Variants in SLC44A5 observed in about 807,000 individuals in gnomAD.
SLC44A5 encodes the protein choline transporter-like protein 5.
Under a neutral mutation model 101.8 loss-of-function variants are expected in SLC44A5, and 57 were observed. The observed-to-expected ratio is 0.56, with a 90% confidence interval of 0.45 to 0.70. The LOEUF is 0.70. Ranked by LOEUF, SLC44A5 falls within the 30% of genes least tolerant of loss-of-function variation. The probability of loss-of-function intolerance (pLI) is 0.00; values close to 1 mark genes in which losing one functional copy is unlikely to be tolerated. For synonymous variants in SLC44A5, 281 were observed against 290.9 expected (o/e 0.97, Z 0.35); for missense variants, 737 against 853.1 (o/e 0.86, Z 1.70).
intron 4 of SLC44A5, among the ~76,000 whole-genome samples, chr1:75,310,990 T>C (rs928515366): frequency 3.3e-5 from 5 of 152,024 alleles, no homozygotes; most frequent in African/African-American, 1.2e-4. Flanking sequence ...TGTCATTACA[T>C]TGAGTATTAA....
At chr1:75,263,666 A>G (rs1166833960) in intron 6 of SLC44A5, among the ~76,000 whole-genome samples, 1 of 152,172 alleles carries the variant, frequency 6.6e-6, no homozygotes, top group Non-Finnish European at 1.5e-5. Flanking sequence ...TTCTACTATA[A>G]AGACACATAC....
chr1:75,247,191 T>A (rs1269083302), intron 7 of SLC44A5, among the ~76,000 whole-genome samples: 1 of 151,782 alleles, frequency 6.6e-6, no homozygotes, highest in Non-Finnish European at 1.5e-5. Flanking sequence ...GAAGAGGTGG[T>A]GAGAAATAGT....
At chr1:75,696,975 C>T in the SLC44A5 span, among the ~76,000 whole-genome samples, 4 of 151,590 alleles carry the variant, frequency 2.6e-5, no homozygotes, top group South Asian at 2.1e-4. Flanking sequence ...AAATGAGAGA[C>T]GAAAAGGAAG....
the SLC44A5 span, among the ~76,000 whole-genome samples, chr1:75,638,916 G>A: frequency 6.6e-6 from 1 of 151,970 alleles, no homozygotes; most frequent in Non-Finnish European, 1.5e-5. Context: ...AATGAACCTG[G>A]AGGACACTGT....
At chr1:75,238,483 A>G (rs761664888) in intron 10 of SLC44A5, 30 bp downstream of exon 10, 3 of 1,544,634 alleles carry the variant, frequency 1.9e-6, no homozygotes, top group Non-Finnish European at 2.6e-6. Context: ...AAATGCATCA[A>G]ACTGAAAATT....
chr1:75,702,601 G>A, the SLC44A5 span, among the ~76,000 whole-genome samples: 29 of 152,204 alleles, frequency 1.9e-4, no homozygotes, highest in South Asian at 2.5e-3. Context: ...AGGCATGGGC[G>A]AGGACTTCAT....
the SLC44A5 span, among the ~76,000 whole-genome samples, chr1:75,680,099 C>G: frequency 6.6e-6 from 1 of 152,140 alleles, no homozygotes. Context: ...CAGGAGCACC[C>G]AGATTCATAA....
At chr1:75,271,497 T>TTTTTTTTTTTTGTGTGTG (rs1553152601) in intron 6 of SLC44A5, among the ~76,000 whole-genome samples, 9 of 146,304 alleles carry the variant, frequency 6.2e-5, no homozygotes, top group African/African-American at 2.3e-4. Context: ...TCTGCATGTT[T>TTTTTTTTTTTTGTGTGTG]TGTGTGTGTG....
chr1:75,488,450 TA>T (rs1396859703), intron 2 of SLC44A5, among the ~76,000 whole-genome samples: 2 of 152,162 alleles, frequency 1.3e-5, no homozygotes, highest in African/African-American at 4.8e-5. Context: ...AGTATAATAT[TA>T]GGGGATCACC....
the SLC44A5 span, among the ~76,000 whole-genome samples, chr1:75,634,845 A>T: frequency 6.6e-6 from 1 of 152,350 alleles, no homozygotes; most frequent in East Asian, 1.9e-4. Context: ...GCACAGCAAA[A>T]GAAACTACCA....
intron 3 of SLC44A5, among the ~76,000 whole-genome samples, chr1:75,386,818 G>C (rs956755646): frequency 1.1e-4 from 17 of 151,902 alleles, no homozygotes; most frequent in Admixed American, 4.6e-4. Flanking sequence ...TATACTACAA[G>C]GCTACAGTAA....
the SLC44A5 span, among the ~76,000 whole-genome samples, chr1:75,666,724 C>T: frequency 6.6e-6 from 1 of 152,116 alleles, no homozygotes; most frequent in Non-Finnish European, 1.5e-5. Flanking sequence ...AGCAGCCCAT[C>T]AAAAATCTTG....
At chr1:75,346,442 T>C (rs977668540) in intron 3 of SLC44A5, among the ~76,000 whole-genome samples, 17 of 152,054 alleles carry the variant, frequency 1.1e-4, no homozygotes, top group Non-Finnish European at 2.4e-4. Context: ...AGAAAAAATA[T>C]ATAAAGCACT....
chr1:75,363,307 T>C (rs898755716), intron 3 of SLC44A5, among the ~76,000 whole-genome samples: 4 of 152,104 alleles, frequency 2.6e-5, no homozygotes, highest in African/African-American at 9.6e-5. Flanking sequence ...CAAGGAATTA[T>C]TAATAGGTAA....
At chr1:75,712,030 G>C in the SLC44A5 span, among the ~76,000 whole-genome samples, 1 of 152,164 alleles carries the variant, frequency 6.6e-6, no homozygotes, top group Non-Finnish European at 1.5e-5. Flanking sequence ...TTTGAAGGTG[G>C]CATTTACTAA....
At chr1:75,461,560 T>C (rs1219836541) in intron 2 of SLC44A5, among the ~76,000 whole-genome samples, 1 of 152,158 alleles carries the variant, frequency 6.6e-6, no homozygotes, top group Non-Finnish European at 1.5e-5. Flanking sequence ...ACTAAATAGC[T>C]CTTTCCTAGC....
the SLC44A5 span, among the ~76,000 whole-genome samples, chr1:75,691,047 C>T: frequency 2.8e-3 from 420 of 152,088 alleles, 2 homozygotes; most frequent in African/African-American, 9.6e-3. Flanking sequence ...AGGTGTGACT[C>T]TCTTGAATAC....
intron 2 of SLC44A5, among the ~76,000 whole-genome samples, chr1:75,448,046 T>C (rs1015162639): frequency 2.0e-5 from 3 of 152,194 alleles, no homozygotes; most frequent in Admixed American, 6.6e-5. Flanking sequence ...GACCAAAAGC[T>C]GAAAAAGATT....
chr1:75,654,495 AG>A, the SLC44A5 span, among the ~76,000 whole-genome samples: 146 of 152,320 alleles, frequency 9.6e-4, no homozygotes, highest in African/African-American at 3.4e-3. Context: ...TGGGTACAAT[AG>A]AAAGATACCA....
Sources: gnomAD v4.1 joint callset for allele counts (sites outside exome capture counted in the v4.1 genomes callset) on GRCh38, gnomAD v4.1.1 for gene constraint, MANE v1.5 for transcripts, NCBI Gene and HGNC (gene_info 2026-07-23, HGNC 2026-07-21) for gene names.